The following MGAT5 variants were observed in gnomAD, a reference collection of about 807,000 sequenced individuals.
MGAT5 encodes the protein alpha-1,6-mannosylglycoprotein 6-beta-N-acetylglucosaminyltransferase.
In MGAT5, 30 loss-of-function variants were observed where a neutral mutation model predicts 94.3. The ratio of observed to expected loss-of-function variants is 0.32; its 90% CI spans 0.24 to 0.43. The LOEUF is 0.43. Among genes scored for constraint, MGAT5 ranks in the 20% least tolerant of loss-of-function variants. The pLI is 1.00. For missense variants in MGAT5, 691 were observed against 905.5 expected (o/e 0.76, Z 3.04); for synonymous variants, 310 against 322.9 (o/e 0.96, Z 0.43).
At chr2:134,270,066 G>A (rs1330900173) in intron 1 of MGAT5, among the ~76,000 whole-genome samples, 1 of 152,234 alleles carries the variant, frequency 6.6e-6, no homozygotes, top group Non-Finnish European at 1.5e-5. Flanking sequence ...AAACTATGGT[G>A]CTGTAAGGAG....
intron 11 of MGAT5, among the ~76,000 whole-genome samples, chr2:134,406,297 T>A (rs189378846): frequency 2.6e-5 from 4 of 152,308 alleles, no homozygotes; most frequent in Admixed American, 2.6e-4. Flanking sequence ...AAATTCTGGT[T>A]GTGGGGAAGA....
chr2:134,159,188 C>CGTGTGTGTGTGTGTGTGT (rs138643972), intron 1 of MGAT5, among the ~76,000 whole-genome samples: 6 of 144,010 alleles, frequency 4.2e-5, no homozygotes, highest in Non-Finnish European at 7.6e-5. Context: ...GGTCTAAATT[C>CGTGTGTGTGTGTGTGTGT]GTGTGTGTGT....
At position 134,182,236 on chromosome 2, in the gene MGAT5, G is replaced by A. The variant is rs1185169967; in HGVS notation, c.-143+61945G>A. On this transcript the variant is annotated intron_variant, in intron 1 of 16. Transcript: ENST00000409645. ...ATGATTATTAGAAATAATTTTGTAT[G>A]GAGGAGGGAATTTCAATTAGTGATC... Among the ~76,000 whole-genome samples, 5 of 152,350 alleles carry A rather than the reference G, an allele frequency of 3.3e-5. No individual in the cohort carries two copies. The East Asian group carries it at 5.8e-4, about 18-fold the overall frequency.
In MGAT5 at chr2:134,440,804, G is replaced by A. The variant is rs530766658; in HGVS notation, c.1870-954G>A. Among the ~76,000 whole-genome samples the A allele has an allele frequency of 2.0e-5, 3 of 152,198 alleles. No homozygotes were observed. In the South Asian group the frequency reaches 6.2e-4, roughly 32 times the overall value. On this transcript the variant is annotated intron_variant, in intron 14 of 15. Transcript: ENST00000281923. ...AGGCACTTCTTACGATTTTCACTTC[G>A]CAAATGTGTATTCCTCGATTGAACC...
chr2:134,365,125 G>A, intron 10 of MGAT5, among the ~76,000 whole-genome samples: 1 of 152,156 alleles, frequency 6.6e-6, no homozygotes, highest in Non-Finnish European at 1.5e-5. Context: ...TGGAGGATGT[G>A]GGAGGGCACA....
chr2:134,285,482 A>G (rs142649960), intron 2 of MGAT5, among the ~76,000 whole-genome samples: 49 of 152,302 alleles, frequency 3.2e-4, no homozygotes, highest in Admixed American at 3.1e-3. Context: ...TCTTAGAAAC[A>G]GAATGGCTAG....
chr2:134,328,845 C>G (rs1191389247), intron 4 of MGAT5, among the ~76,000 whole-genome samples: 4 of 151,784 alleles, frequency 2.6e-5, no homozygotes, highest in Non-Finnish European at 5.9e-5. Context: ...TCAGGGAAGG[C>G]TTCTGTAAGG....
intron 6 of MGAT5, among the ~76,000 whole-genome samples, chr2:134,339,018 T>A (rs1006388629): frequency 1.3e-5 from 2 of 152,192 alleles, no homozygotes; most frequent in Admixed American, 6.5e-5. Flanking sequence ...CTGTTCTGAT[T>A]TCAGAACTGA....
chr2:134,416,373 G>A (rs1683965887), intron 12 of MGAT5, among the ~76,000 whole-genome samples: 1 of 151,950 alleles, frequency 6.6e-6, no homozygotes, highest in Non-Finnish European at 1.5e-5. Flanking sequence ...CCTCATATAA[G>A]TGGAACCATA....
At position 134,450,921 on chromosome 2, in the gene MGAT5, C is replaced by G. The variant is rs1353162894; in HGVS notation, c.*2074C>G. The G allele has an allele frequency of 2.0e-5, 3 of 151,850 alleles. No individual in the cohort carries two copies. The highest frequency in any genetic ancestry group is 2.1e-4 in the South Asian group (1 of 4,788). The allele number at this position is 151,850 out of a possible 1,614,324, so 9.4% of individuals were successfully genotyped here. A position where few individuals can be genotyped will look rare whatever the true frequency, so the allele number is the denominator to read the frequency against. ...TCCTTGCTGTAAGGAAGAGCTTTTT[C>G]CTTGTGAATGGGCCTCTTGGCTGTA... On this transcript the variant is annotated 3_prime_UTR_variant, in exon 16 of 16. Transcript: ENST00000281923.
At chr2:134,331,474 G>A (rs1048447130) in intron 4 of MGAT5, among the ~76,000 whole-genome samples, 5 of 152,098 alleles carry the variant, frequency 3.3e-5, no homozygotes, top group African/African-American at 4.8e-5. Flanking sequence ...GCGTGTTGCC[G>A]TGAGCTCAGA....
intron 11 of MGAT5, among the ~76,000 whole-genome samples, chr2:134,404,687 G>T (rs764871950): frequency 2.6e-5 from 4 of 152,126 alleles, no homozygotes; most frequent in Non-Finnish European, 5.9e-5. Context: ...TACGTCCAAG[G>T]CATTTGTATG....
At chr2:134,309,473 G>A (rs1041214615) in intron 2 of MGAT5, among the ~76,000 whole-genome samples, 1 of 152,172 alleles carries the variant, frequency 6.6e-6, no homozygotes, top group South Asian at 2.1e-4. Flanking sequence ...GGCAACACTT[G>A]TTATTGTCTG....
At position 134,344,808 on chromosome 2, in the gene MGAT5, A is replaced by G. The variant is rs1347738902; in HGVS notation, c.978-122A>G. ...TATAGGTAGCAGATTTGAAAGGGCC[A>G]TGCTGTCATCTCTAAAAAGGATTTT... On this transcript the variant is annotated intron_variant, in intron 7 of 15. Coordinates refer to ENST00000281923, the MANE Select transcript of MGAT5 (RefSeq NM_002410.5). The G allele has an allele frequency of 6.2e-6, 7 of 1,129,996 alleles. No homozygotes were observed. In the African/African-American group the frequency reaches 7.8e-5, roughly 13 times the overall value. 70.0% of individuals were successfully genotyped at this position (1,129,996 alleles called of 1,614,324 possible).
At chr2:134,282,194 C>T (rs1684738286) in intron 2 of MGAT5, among the ~76,000 whole-genome samples, 1 of 152,196 alleles carries the variant, frequency 6.6e-6, no homozygotes, top group East Asian at 1.9e-4. Context: ...TGGCTTTTAG[C>T]CTGTGTCTAT....
rs78019230 is a variant in MGAT5, at chr2:134,380,464, G to A, written c.1380+18056G>A. Among the ~76,000 whole-genome samples the A allele has an allele frequency of 1.8e-3, 272 of 152,204 alleles. 2 individuals are homozygous for A. The East Asian group carries it at 0.018, about 10-fold the overall frequency. On this transcript the variant is annotated intron_variant, in intron 10 of 15. Transcript: ENST00000281923. ...TGGCCTGTTGTGATGCAAGTGGAGT[G>A]GTTAAGAAAAAGGGACATGGATTAT...
chr2:134,302,958 T>C (rs1393712050), intron 2 of MGAT5, among the ~76,000 whole-genome samples: 1 of 152,140 alleles, frequency 6.6e-6, no homozygotes, highest in Non-Finnish European at 1.5e-5. Flanking sequence ...GGATCTGAAG[T>C]TAATGTTCCT....
chr2:134,364,637 C>A (rs1163550888), intron 10 of MGAT5, among the ~76,000 whole-genome samples: 4 of 152,174 alleles, frequency 2.6e-5, no homozygotes, highest in Non-Finnish European at 5.9e-5. Flanking sequence ...TGTGCAGCAC[C>A]TAAAGATTAT....
intron 10 of MGAT5, among the ~76,000 whole-genome samples, chr2:134,393,537 C>T (rs1273112055): frequency 1.3e-5 from 2 of 152,140 alleles, no homozygotes; most frequent in East Asian, 3.9e-4. Context: ...TGGAGTCTGT[C>T]ATCCCCCGTG....
Sources: allele counts gnomAD v4.1 joint callset (sites outside exome capture counted in the v4.1 genomes callset), GRCh38; gene constraint gnomAD v4.1.1; transcripts MANE v1.5; gene names NCBI Gene and HGNC (gene_info 2026-07-23, HGNC 2026-07-21).